Variants in TAFA2 observed in about 807,000 individuals in gnomAD.
TAFA2 encodes TAFA chemokine like family member 2, also known as chemokine-like protein TAFA-2.
A neutral mutation model predicts 18.8 loss-of-function variants in TAFA2; 7 were observed. That is an observed-to-expected ratio of 0.37 (90% CI 0.21 to 0.70). The LOEUF (loss-of-function observed/expected upper bound fraction) is 0.70. Among genes scored for constraint, TAFA2 ranks in the 30% least tolerant of loss-of-function variants. The pLI is 0.53. For synonymous variants in TAFA2, 60 were observed against 54.2 expected (o/e 1.11, Z -0.47); for missense variants, 122 against 158.1 (o/e 0.77, Z 1.23).
chr12:61,902,078 G>C (rs1448613290), intron 1 of TAFA2, among the ~76,000 whole-genome samples: 5 of 137,762 alleles, frequency 3.6e-5, no homozygotes, highest in South Asian at 4.5e-4. Context: ...ATGTAATCAT[G>C]GTGCAGGAAT....
chr12:62,094,188 G>A (rs1868843714), intron 1 of TAFA2, among the ~76,000 whole-genome samples: 1 of 152,050 alleles, frequency 6.6e-6, no homozygotes. Flanking sequence ...GACTAAGGTA[G>A]CTCTTAGCTT....
At chr12:62,249,987 G>A (rs1016552036) in intron 1 of TAFA2, among the ~76,000 whole-genome samples, 1 of 152,118 alleles carries the variant, frequency 6.6e-6, no homozygotes, top group Non-Finnish European at 1.5e-5. Context: ...TACTCTAAAG[G>A]AATACCTGAG....
At chr12:61,767,021 T>C (rs979549574) in intron 2 of TAFA2, among the ~76,000 whole-genome samples, 1 of 152,126 alleles carries the variant, frequency 6.6e-6, no homozygotes, top group African/African-American at 2.4e-5. Flanking sequence ...AAGTCACAAT[T>C]TATCATCTGT....
chr12:62,015,839 G>A (rs1426536108), intron 1 of TAFA2, among the ~76,000 whole-genome samples: 2 of 152,166 alleles, frequency 1.3e-5, no homozygotes, highest in Non-Finnish European at 1.5e-5. Context: ...AGACATGAGT[G>A]GTCCAATTCA....
At chr12:62,171,328 C>T (rs545063969) in intron 1 of TAFA2, among the ~76,000 whole-genome samples, 2 of 152,260 alleles carry the variant, frequency 1.3e-5, no homozygotes, top group South Asian at 4.1e-4. Context: ...CAGAACAATT[C>T]CAGATCCTGT....
At chr12:61,809,833 C>T (rs951367714) in intron 2 of TAFA2, among the ~76,000 whole-genome samples, 1 of 151,290 alleles carries the variant, frequency 6.6e-6, no homozygotes, top group Non-Finnish European at 1.5e-5. Flanking sequence ...TTAACAGCCA[C>T]CCCTAACATC....
intron 2 of TAFA2, among the ~76,000 whole-genome samples, chr12:61,856,513 A>G (rs1030751372): frequency 1.3e-5 from 2 of 152,034 alleles, no homozygotes; most frequent in Admixed American, 6.5e-5. Context: ...AAATACAGGC[A>G]CTCATTCTCT....
Position 61,897,331 on chromosome 12 carries a change from C to T in TAFA2, c.-1-29905G>A, listed in dbSNP as rs373455067. Among the ~76,000 whole-genome samples the T allele has an allele frequency of 2.6e-5, 4 of 152,212 alleles. No homozygotes were observed. The East Asian group carries it at 7.7e-4, about 29-fold the overall frequency. On this transcript the variant is annotated intron_variant, in intron 1 of 4. Transcript: ENST00000416284. ...AATTTCCTGAAACTTGCTTTTTTCA[C>T]TCAACATTTTACAGGATATATCTGT...
intron 4 of TAFA2, chr12:61,720,996 G>A (rs1195751259): frequency 2.0e-6 from 1 of 500,116 alleles, no homozygotes; most frequent in East Asian, 5.6e-5. Flanking sequence ...TGGGAGAAAG[G>A]GGACATTACA....
chr12:61,711,800 A>G (rs1053044916), intron 4 of TAFA2, among the ~76,000 whole-genome samples: 5 of 152,170 alleles, frequency 3.3e-5, no homozygotes, highest in East Asian at 3.9e-4. Flanking sequence ...GCACAGAACC[A>G]TGGAAGAAGT....
At chr12:62,012,678 G>A (rs1880811039) in intron 1 of TAFA2, among the ~76,000 whole-genome samples, 1 of 151,952 alleles carries the variant, frequency 6.6e-6, no homozygotes, top group African/African-American at 2.4e-5. Flanking sequence ...AAATGTAATG[G>A]GAAATAATCC....
chr12:62,235,976 C>T (rs1326235019), intron 1 of TAFA2, among the ~76,000 whole-genome samples: 3 of 151,334 alleles, frequency 2.0e-5, no homozygotes, highest in Non-Finnish European at 4.4e-5. Context: ...CAACTTCTGT[C>T]GCAAAGAAAA....
At chr12:61,982,211 T>G (rs1470782354) in intron 1 of TAFA2, among the ~76,000 whole-genome samples, 1 of 152,158 alleles carries the variant, frequency 6.6e-6, no homozygotes, top group Non-Finnish European at 1.5e-5. Flanking sequence ...ACACCTCATG[T>G]TCTCACTCAT....
At chr12:62,176,562 C>T (rs1035189330) in intron 1 of TAFA2, among the ~76,000 whole-genome samples, 8 of 151,920 alleles carry the variant, frequency 5.3e-5, no homozygotes, top group Admixed American at 6.6e-5. Context: ...TTTTTCAATT[C>T]GAATGAATAA....
At chr12:62,188,561 T>C (rs2062600984) in intron 1 of TAFA2, among the ~76,000 whole-genome samples, 1 of 152,160 alleles carries the variant, frequency 6.6e-6, no homozygotes, top group Admixed American at 6.5e-5. Context: ...AGATAAGAAA[T>C]GACTGAGAAA....
intron 1 of TAFA2, among the ~76,000 whole-genome samples, chr12:62,177,854 C>CA (rs139546473): frequency 0.037 from 5,596 of 152,178 alleles, 348 homozygotes; most frequent in African/African-American, 0.13. Context: ...ACCTTTCTTC[C>CA]ACCTCTTTTC....
intron 1 of TAFA2, among the ~76,000 whole-genome samples, chr12:62,121,811 T>C (rs144368172): frequency 1.1e-4 from 16 of 152,310 alleles, no homozygotes; most frequent in Non-Finnish European, 1.8e-4. Flanking sequence ...TTATATTCTG[T>C]CCATGGTTCA....
chr12:61,766,048 C>T (rs1293325542), intron 2 of TAFA2, among the ~76,000 whole-genome samples: 1 of 152,014 alleles, frequency 6.6e-6, no homozygotes, highest in Non-Finnish European at 1.5e-5. Flanking sequence ...CCTCTCTTCC[C>T]TACAACTTCA....
At chr12:61,882,629 A>G (rs955413414) in intron 1 of TAFA2, among the ~76,000 whole-genome samples, 1 of 152,196 alleles carries the variant, frequency 6.6e-6, no homozygotes, top group African/African-American at 2.4e-5. Context: ...CTTTCTTGGT[A>G]TCGTCTTTCA....
Sources: allele counts gnomAD v4.1 joint callset (sites outside exome capture counted in the v4.1 genomes callset), GRCh38; gene constraint gnomAD v4.1.1; transcripts MANE v1.5; gene names NCBI Gene and HGNC (gene_info 2026-07-23, HGNC 2026-07-21).